RBFOX1: variants seen among roughly 807,000 people sequenced by gnomAD.
The protein encoded by RBFOX1 is RNA binding protein fox-1 homolog 1.
RBFOX1 carries 8 observed loss-of-function variants against 57.7 expected under a neutral mutation model. The observed-to-expected ratio is 0.14, with a 90% confidence interval of 0.08 to 0.25. The LOEUF (loss-of-function observed/expected upper bound fraction) is 0.25. Among genes scored for constraint, RBFOX1 ranks in the 10% least tolerant of loss-of-function variants. The probability of loss-of-function intolerance (pLI) is 1.00; values close to 1 mark genes in which losing one functional copy is unlikely to be tolerated. For missense variants in RBFOX1, 611 were observed against 548.5 expected (o/e 1.11, Z -1.14); for synonymous variants, 326 against 222.4 (o/e 1.47, Z -4.15).
intron 2 of RBFOX1, among the ~76,000 whole-genome samples, chr16:6,526,437 C>A (rs898470614): frequency 6.6e-6 from 1 of 152,170 alleles, no homozygotes; most frequent in African/African-American, 2.4e-5. Flanking sequence ...AGTCACACTA[C>A]ATTGCTGTAG....
chr16:7,099,432 G>C (rs1176320143), intron 4 of RBFOX1, among the ~76,000 whole-genome samples: 2 of 152,148 alleles, frequency 1.3e-5, no homozygotes, highest in African/African-American at 4.8e-5. Context: ...TGAAATAATA[G>C]AACCATATTT....
chr16:7,217,527 C>G (rs2092303727), intron 4 of RBFOX1, among the ~76,000 whole-genome samples: 1 of 151,998 alleles, frequency 6.6e-6, no homozygotes, highest in Non-Finnish European at 1.5e-5. Context: ...GACCTCTTGA[C>G]TTCCAACCCC....
chr16:5,418,667 C>A (rs1053710687), intron 1 of RBFOX1, among the ~76,000 whole-genome samples: 1 of 152,142 alleles, frequency 6.6e-6, no homozygotes, highest in Non-Finnish European at 1.5e-5. Context: ...TCTCTCCCTT[C>A]CCCCTTCTTT....
intron 4 of RBFOX1, among the ~76,000 whole-genome samples, chr16:7,156,350 C>T (rs1567493971): frequency 1.3e-5 from 2 of 151,402 alleles, no homozygotes. Flanking sequence ...CATATCTGTA[C>T]ATATACATGC....
intron 3 of RBFOX1, among the ~76,000 whole-genome samples, chr16:6,773,535 TGGG>T (rs569493954): frequency 3.5e-4 from 44 of 126,564 alleles, no homozygotes; most frequent in Middle Eastern, 6.6e-3. Context: ...GCATTTGTGT[TGGG>T]GGGCATAGGG....
intron 4 of RBFOX1, among the ~76,000 whole-genome samples, chr16:7,359,791 TG>T (rs2097285816): frequency 6.6e-6 from 1 of 152,144 alleles, no homozygotes; most frequent in Non-Finnish European, 1.5e-5. Context: ...GAGACCATCC[TG>T]GCTAACATGG....
At chr16:7,393,710 C>T (rs2098086889) in intron 4 of RBFOX1, among the ~76,000 whole-genome samples, 1 of 152,112 alleles carries the variant, frequency 6.6e-6, no homozygotes, top group Non-Finnish European at 1.5e-5. Flanking sequence ...TATCCCCACC[C>T]CGTTTCATCC....
chr16:6,798,792 A>G (rs1234120963), intron 3 of RBFOX1, among the ~76,000 whole-genome samples: 5 of 152,212 alleles, frequency 3.3e-5, no homozygotes, highest in Admixed American at 2.0e-4. Context: ...TAGTGGCACC[A>G]TAGTTTATTG....
chr16:7,265,239 T>C (rs1441580165), intron 4 of RBFOX1, among the ~76,000 whole-genome samples: 1 of 151,934 alleles, frequency 6.6e-6, no homozygotes, highest in East Asian at 1.9e-4. Context: ...CAGATCTGGA[T>C]ACTGGAAGTG....
Position 6,019,149 on chromosome 16 carries a change from A to G in RBFOX1, c.-970A>G, listed in dbSNP as rs1035066283. On this transcript the variant is annotated 5_prime_UTR_variant, in exon 1 of 16. Coordinates refer to ENST00000550418, the MANE Select transcript of RBFOX1 (RefSeq NM_018723.4). The surrounding 1 kb of genome is among the most constrained non-coding windows in gnomAD (Gnocchi z 4.2). Reference sequence around the variant, plus strand: ...CGCTCTCTCCGGCTCTCCTTTGTTTATTTTCTAATCTATATTTTTACTGGA... The same window carrying G: ...CGCTCTCTCCGGCTCTCCTTTGTTTGTTTTCTAATCTATATTTTTACTGGA... 7.1e-6 allele frequency: 7 copies of G among 983,958 alleles called. No individual in the cohort carries two copies. Among genetic ancestry groups the G allele is most frequent in the Middle Eastern group, 5.2e-4 (1 of 1,934 alleles). The allele number at this position is 983,958 out of a possible 1,614,324, so 61.0% of individuals were successfully genotyped here.
At chr16:5,765,029 A>G (rs746943384) in intron 3 of RBFOX1, among the ~76,000 whole-genome samples, 3 of 152,166 alleles carry the variant, frequency 2.0e-5, no homozygotes, top group South Asian at 2.1e-4. Context: ...ACTGTGTTTT[A>G]TGAATCAGGA....
chr16:7,636,612 T>C (rs576568394), intron 11 of RBFOX1, among the ~76,000 whole-genome samples: 2 of 152,226 alleles, frequency 1.3e-5, no homozygotes, highest in Admixed American at 6.5e-5. Context: ...ACAAAATCCC[T>C]GTCAAGAGCA....
At chr16:6,267,989 A>G (rs1413193972) in intron 1 of RBFOX1, among the ~76,000 whole-genome samples, 1 of 152,180 alleles carries the variant, frequency 6.6e-6, no homozygotes, top group Non-Finnish European at 1.5e-5. Context: ...CTTGAAACAC[A>G]AGGAAGCTAT....
chr16:5,706,001 C>A (rs982285309), intron 3 of RBFOX1, among the ~76,000 whole-genome samples: 1 of 152,148 alleles, frequency 6.6e-6, no homozygotes, highest in Non-Finnish European at 1.5e-5. Flanking sequence ...ACCTCTGCCT[C>A]CCAGGTTCAA....
intron 1 of RBFOX1, among the ~76,000 whole-genome samples, chr16:6,159,265 C>G (rs1402137282): frequency 6.6e-6 from 1 of 151,938 alleles, no homozygotes; most frequent in Non-Finnish European, 1.5e-5. Flanking sequence ...TTAGTAGACA[C>G]GGGGTTTCAC....
intron 3 of RBFOX1, among the ~76,000 whole-genome samples, chr16:6,721,055 A>T (rs913434474): frequency 3.3e-5 from 5 of 152,184 alleles, no homozygotes; most frequent in Non-Finnish European, 5.9e-5. Context: ...TGTTCACAAT[A>T]AACAGTAGAA....
At chr16:7,628,536 T>G (rs1437147602) in intron 10 of RBFOX1, among the ~76,000 whole-genome samples, 1 of 152,170 alleles carries the variant, frequency 6.6e-6, no homozygotes, top group East Asian at 1.9e-4. Flanking sequence ...TGTTTGCTGT[T>G]AATCCCCAGT....
intron 5 of RBFOX1, among the ~76,000 whole-genome samples, chr16:7,559,011 C>G (rs1305143968): frequency 2.0e-5 from 3 of 152,018 alleles, no homozygotes; most frequent in Non-Finnish European, 4.4e-5. Context: ...TTTTATTTTA[C>G]CCATCAATGA....
chr16:6,451,826 A>T (rs1366198310), intron 2 of RBFOX1, among the ~76,000 whole-genome samples: 2 of 151,316 alleles, frequency 1.3e-5, no homozygotes, highest in Non-Finnish European at 3.0e-5. Flanking sequence ...CCATGACTCC[A>T]TCCATGGCTC....
Sources: allele counts gnomAD v4.1 joint callset (sites outside exome capture counted in the v4.1 genomes callset), GRCh38; gene constraint gnomAD v4.1.1; non-coding constraint Gnocchi (gnomAD v3.1); transcripts MANE v1.5; gene names NCBI Gene and HGNC (gene_info 2026-07-23, HGNC 2026-07-21).